The following SHROOM2 variants were observed in gnomAD, a reference collection of about 807,000 sequenced individuals.
SHROOM2 encodes protein Shroom2.
A neutral mutation model predicts 75.9 loss-of-function variants in SHROOM2; 33 were observed. The ratio of observed to expected loss-of-function variants is 0.43; its 90% CI spans 0.33 to 0.58. The LOEUF is 0.58. SHROOM2 is among the 20% of genes least tolerant of loss of function. The pLI is 0.04. For synonymous variants in SHROOM2, 655 were observed against 663.6 expected (o/e 0.99, Z 0.20); for missense variants, 1,434 against 1,461.2 (o/e 0.98, Z 0.30).
At position 9,894,367 on chromosome X, in the gene SHROOM2, C is replaced by T. The variant is rs930551758; in HGVS notation, c.459C>T (p.Ser153=). The T allele has an allele frequency of 8.3e-7, 1 of 1,205,718 alleles. No individual in the cohort carries two copies. Among genetic ancestry groups the T allele is most frequent in the African/African-American group, 1.7e-5 (1 of 57,645 alleles). ...WSGRHHASSS[S]HDLSSSWEQT... is the part of the protein sequence containing the mutation. ...CTTCTCATTCTTGCAGTTCTTCCTC[C>T]CACGACCTGTCCAGTTCCTGGGAGC... is the stretch of plus-strand genomic sequence containing the variant. The change falls in exon 4 of 10, where the codon TCC becomes TCT. Residue 153 remains serine, a synonymous_variant. Transcript: ENST00000380913.
intron 5 of SHROOM2, among the ~76,000 whole-genome samples, chrX:9,917,361 G>A (rs1285976223): frequency 9.0e-6 from 1 of 111,572 alleles, no homozygotes; most frequent in African/African-American, 3.3e-5. Context: ...TTGTGTGTTT[G>A]TTCTCCTGCG....
Position 9,873,682 on chromosome X carries a change from G to C in SHROOM2, c.196G>C (p.Asp66His), listed in dbSNP as rs772625017. ...IEEGSKAAAV[D>H]KLLAGDEIVG... is the part of the protein sequence containing the mutation. ...AGAGGGCAGTAAAGCCGCGGCGGTC[G>C]ACAAGTTACTGGCTGGAGATGAGAT... Residue 66 changes from aspartate to histidine, a missense_variant, in exon 2 of 10, where the codon GAC becomes CAC. This residue lies in a region of SHROOM2 where 1,340 missense variants were observed against 1,338.3 expected (regional missense o/e 1.00). Transcript: ENST00000380913. 6.6e-6 allele frequency: 8 copies of C among 1,210,019 alleles called. No homozygotes were observed. The African/African-American group carries it at 1.0e-4, about 16-fold the overall frequency.
At position 9,794,348 on chromosome X, in the gene SHROOM2, GTCTTCTCTTC is replaced by G. The variant is rs60316813; in HGVS notation, c.165+7655_165+7664del. On this transcript the variant is annotated intron_variant, in intron 1 of 9. Coordinates refer to ENST00000380913, the MANE Select transcript of SHROOM2 (RefSeq NM_001649.4). ...AACATACTTTTTCTCTAATAAATTA[GTCTTCTCTTC>G]TCTTCTCTTCTCTTCTTTTCTTTTT... 1.2e-4 allele frequency among the ~76,000 whole-genome samples: 13 copies of G among 110,523 alleles called. No individual in the cohort carries two copies. In the East Asian group the frequency reaches 2.0e-3, roughly 17 times the overall value.
At chrX:9,819,789 CTTTT>C (rs1276529105) in intron 1 of SHROOM2, among the ~76,000 whole-genome samples, 1 of 93,056 alleles carries the variant, frequency 1.1e-5, no homozygotes. Flanking sequence ...GCCAGTTTAT[CTTTT>C]TTTTTTTTTT....
At chrX:9,925,917 G>A (rs1256426107) in intron 5 of SHROOM2, among the ~76,000 whole-genome samples, 3 of 111,634 alleles carry the variant, frequency 2.7e-5, no homozygotes, top group African/African-American at 6.5e-5. Flanking sequence ...TGGCTTGGTC[G>A]GCTGCAGGGG....
intron 2 of SHROOM2, among the ~76,000 whole-genome samples, chrX:9,884,919 A>C (rs1043840611): frequency 9.0e-6 from 1 of 111,443 alleles, no homozygotes; most frequent in African/African-American, 3.3e-5. Flanking sequence ...GAAGAATGAT[A>C]ATGGCCTGGG....
At chrX:9,898,009 G>A (rs1569162484) in intron 4 of SHROOM2, 181 bp from the exon 5 acceptor site, 42 of 464,194 alleles carry the variant, frequency 9.0e-5, no homozygotes, top group South Asian at 6.2e-4. Flanking sequence ...CAGGCTTCAC[G>A]TAGGAGTTGT....
intron 1 of SHROOM2, among the ~76,000 whole-genome samples, chrX:9,822,946 A>G (rs116074556): frequency 0.1 from 11,416 of 109,841 alleles, 606 homozygotes; most frequent in Middle Eastern, 0.19. Context: ...AAATGAAGCA[A>G]TTTGTTGGAA....
intron 5 of SHROOM2, 147 bp downstream of exon 5, chrX:9,898,437 T>A: frequency 4.2e-6 from 2 of 477,091 alleles, no homozygotes; most frequent in Non-Finnish European, 7.2e-6. Context: ...CTAGCATCCC[T>A]GACGTACTGG....
chrX:9,903,913 C>G (rs1301737348), intron 5 of SHROOM2, among the ~76,000 whole-genome samples: 1 of 110,910 alleles, frequency 9.0e-6, no homozygotes, highest in African/African-American at 3.3e-5. Flanking sequence ...CTTTAAGAAA[C>G]CCAGGACCGA....
At chrX:9,792,451 T>C (rs962902901) in intron 1 of SHROOM2, among the ~76,000 whole-genome samples, 5 of 70,927 alleles carry the variant, frequency 7.0e-5, no homozygotes, top group African/African-American at 2.0e-4. Context: ...GCTGTTTTTT[T>C]GTGTTGTTTT....
chrX:9,893,678 G>A (rs778053002), intron 3 of SHROOM2, among the ~76,000 whole-genome samples: 1 of 111,396 alleles, frequency 9.0e-6, no homozygotes, highest in South Asian at 3.7e-4. Flanking sequence ...TGGGCTGGGT[G>A]CGGTGGCTCA....
intron 1 of SHROOM2, among the ~76,000 whole-genome samples, chrX:9,830,458 G>C (rs776462159): frequency 3.6e-5 from 4 of 110,605 alleles, no homozygotes; most frequent in African/African-American, 1.3e-4. Context: ...GCATCCTGAT[G>C]AATTTCCGAC....
intron 4 of SHROOM2, among the ~76,000 whole-genome samples, chrX:9,897,987 C>T (rs2084343780): frequency 8.9e-6 from 1 of 112,373 alleles, no homozygotes. Flanking sequence ...CCAATTGTGC[C>T]ACACGGTTTT....
intron 1 of SHROOM2, among the ~76,000 whole-genome samples, chrX:9,854,413 C>T (rs934818870): frequency 8.9e-6 from 1 of 111,760 alleles, no homozygotes; most frequent in Admixed American, 9.5e-5. Flanking sequence ...CTGGTTCCAG[C>T]CTCTTGTCAC....
chrX:9,946,156 T>C (rs1199366456), intron 9 of SHROOM2, among the ~76,000 whole-genome samples: 1 of 113,021 alleles, frequency 8.8e-6, no homozygotes, highest in Admixed American at 9.3e-5. Context: ...ACCCTCAGGC[T>C]TCCTTGTGTG....
At chrX:9,863,434 C>G (rs913608933) in intron 1 of SHROOM2, among the ~76,000 whole-genome samples, 6 of 110,831 alleles carry the variant, frequency 5.4e-5, no homozygotes, top group Admixed American at 9.7e-5. Flanking sequence ...GTCCTCTCCT[C>G]ATGCCTCATC....
At chrX:9,890,282 G>T (rs1032012836) in intron 2 of SHROOM2, among the ~76,000 whole-genome samples, 4 of 112,389 alleles carry the variant, frequency 3.6e-5, no homozygotes, top group African/African-American at 6.5e-5. Context: ...CAGGAGAATC[G>T]CTTGAACCTG....
intron 1 of SHROOM2, among the ~76,000 whole-genome samples, chrX:9,833,608 C>CTGTG (rs144161839): frequency 0.051 from 4,829 of 95,282 alleles, 195 homozygotes; most frequent in African/African-American, 0.13. Flanking sequence ...CAAGTAGACT[C>CTGTG]TGTGTGTGTG....
Sources: gnomAD v4.1 joint callset for allele counts (sites outside exome capture counted in the v4.1 genomes callset) on GRCh38, gnomAD v4.1.1 for gene constraint, gnomAD v4.1.1 regional missense constraint, MANE v1.5 for transcripts, NCBI Gene and HGNC (gene_info 2026-07-23, HGNC 2026-07-21) for gene names.